The following UBE2D3 variants were observed in gnomAD, a reference collection of about 807,000 sequenced individuals.
UBE2D3 encodes the protein ubiquitin-conjugating enzyme E2 D3.
Under a neutral mutation model 22.8 loss-of-function variants are expected in UBE2D3, and 2 were observed. The observed-to-expected ratio is 0.09, with a 90% CI of 0.04 to 0.28. The LOEUF (loss-of-function observed/expected upper bound fraction) is 0.28, where lower values mean the gene tolerates loss of function less well. Ranked by LOEUF, UBE2D3 falls within the 10% of genes least tolerant of loss-of-function variation. The pLI is 1.00. For missense variants in UBE2D3, 27 were observed against 182.5 expected (o/e 0.15, Z 4.91); for synonymous variants, 56 against 60.4 (o/e 0.93, Z 0.34).
chr4:102,828,178 C>G (rs1254199267), upstream of UBE2D3: 2 of 985,298 alleles, frequency 2.0e-6, no homozygotes, highest in Admixed American at 1.2e-4. Context: ...ATGGAATTCC[C>G]CAGACTGGTA....
At chr4:102,816,952 G>A (rs574022220) in intron 2 of UBE2D3, among the ~76,000 whole-genome samples, 10 of 152,134 alleles carry the variant, frequency 6.6e-5, no homozygotes, top group South Asian at 4.1e-4. Context: ...CAACCTACAT[G>A]CTTAAAATAA....
At chr4:102,825,810 T>C (rs1311510028) in intron 2 of UBE2D3, 5 of 456,200 alleles carry the variant, frequency 1.1e-5, no homozygotes, top group Admixed American at 9.5e-5. Flanking sequence ...GCCTTTTACA[T>C]CAGTTCCCGG....
At chr4:102,865,294 C>T (rs1439066857) in intron 1 of UBE2D3, among the ~76,000 whole-genome samples, 1 of 151,964 alleles carries the variant, frequency 6.6e-6, no homozygotes, top group Non-Finnish European at 1.5e-5. Flanking sequence ...GAGTTCAAGA[C>T]CAGCCTGGCA....
intron 1 of UBE2D3, among the ~76,000 whole-genome samples, chr4:102,835,576 G>A (rs1239340893): frequency 1.3e-5 from 2 of 152,128 alleles, no homozygotes; most frequent in East Asian, 3.8e-4. Context: ...CCAGAGATAT[G>A]TGCTTTTTGG....
At chr4:102,805,900 C>G (rs1726953355) in intron 4 of UBE2D3, among the ~76,000 whole-genome samples, 2 of 152,160 alleles carry the variant, frequency 1.3e-5, no homozygotes, top group Non-Finnish European at 2.9e-5. Context: ...AAACCAGGAT[C>G]TCATCATCAA....
chr4:102,807,372 C>G (rs1019387174), intron 4 of UBE2D3, among the ~76,000 whole-genome samples: 2 of 152,170 alleles, frequency 1.3e-5, no homozygotes, highest in Non-Finnish European at 2.9e-5. Flanking sequence ...CTATTTAAAG[C>G]TGGCATCTAA....
At chr4:102,856,577 A>C (rs898227147) in intron 1 of UBE2D3, among the ~76,000 whole-genome samples, 1 of 152,214 alleles carries the variant, frequency 6.6e-6, no homozygotes, top group African/African-American at 2.4e-5. Flanking sequence ...TAAAATATTT[A>C]AAATCATAAT....
intron 2 of UBE2D3, chr4:102,811,946 T>C (rs1197188082): frequency 4.6e-6 from 1 of 215,104 alleles, no homozygotes. Context: ...AATCTTCTTT[T>C]GGTCTACTAG....
At chr4:102,839,402 G>A (rs1332696913) in intron 1 of UBE2D3, among the ~76,000 whole-genome samples, 1 of 152,030 alleles carries the variant, frequency 6.6e-6, no homozygotes, top group Non-Finnish European at 1.5e-5. Flanking sequence ...CCACCAAAGA[G>A]CTAGGACTAC....
intron 1 of UBE2D3, 153 bp downstream of exon 1, chr4:102,827,272 GGA>G (rs1730712019): frequency 1.0e-6 from 1 of 955,146 alleles, no homozygotes; most frequent in Non-Finnish European, 1.2e-6. Flanking sequence ...TCCTCCAGCA[GGA>G]GAGGCCGCGG....
chr4:102,802,436 T>C, intron 5 of UBE2D3, 125 bp downstream of exon 5: 1 of 652,658 alleles, frequency 1.5e-6, no homozygotes, highest in Non-Finnish European at 2.4e-6. Flanking sequence ...AGAGTCAGCA[T>C]CTATACATGA....
At chr4:102,816,649 A>G (rs1728815647) in intron 2 of UBE2D3, among the ~76,000 whole-genome samples, 2 of 152,250 alleles carry the variant, frequency 1.3e-5, no homozygotes, top group South Asian at 4.1e-4. Context: ...AACACAATTT[A>G]GTTTTTGAGT....
At chr4:102,807,323 TTG>T (rs1280534279) in intron 4 of UBE2D3, among the ~76,000 whole-genome samples, 4 of 152,280 alleles carry the variant, frequency 2.6e-5, no homozygotes, top group Middle Eastern at 3.4e-3. Context: ...ACAAAATGAG[TTG>T]TTTCATTGGT....
intron 6 of UBE2D3, among the ~76,000 whole-genome samples, 155 bp from the exon 7 acceptor site, chr4:102,799,655 C>T (rs1031739319): frequency 6.6e-6 from 1 of 151,900 alleles, no homozygotes; most frequent in Admixed American, 6.6e-5. Context: ...TTTTGTTTCA[C>T]AGAAGACAAG....
chr4:102,859,850 T>C (rs1269510931), intron 1 of UBE2D3, among the ~76,000 whole-genome samples: 2 of 143,390 alleles, frequency 1.4e-5, no homozygotes, highest in African/African-American at 2.5e-5. Context: ...GAATTTGATT[T>C]GTTTTTTTTT....
chr4:102,847,628 T>A (rs1732104808), intron 1 of UBE2D3, among the ~76,000 whole-genome samples: 1 of 151,848 alleles, frequency 6.6e-6, no homozygotes, highest in Non-Finnish European at 1.5e-5. Context: ...TTTTTCTTTT[T>A]CTTATGTATT....
intron 1 of UBE2D3, among the ~76,000 whole-genome samples, chr4:102,833,554 T>C (rs1731227064): frequency 6.6e-6 from 1 of 152,220 alleles, no homozygotes; most frequent in Non-Finnish European, 1.5e-5. Context: ...TGTAGAGAAT[T>C]CAAAGAATTT....
chr4:102,816,972 A>T (rs926211009), intron 2 of UBE2D3, among the ~76,000 whole-genome samples: 5 of 152,234 alleles, frequency 3.3e-5, no homozygotes, highest in African/African-American at 1.2e-4. Context: ...AAGGGACTCA[A>T]ATGCTCTGAG....
chr4:102,838,153 C>T (rs181158539), intron 1 of UBE2D3, among the ~76,000 whole-genome samples: 5 of 152,190 alleles, frequency 3.3e-5, no homozygotes, highest in African/African-American at 9.6e-5. Flanking sequence ...AGACATAATG[C>T]TATTGCACAT....
Sources: gnomAD v4.1 joint callset for allele counts (sites outside exome capture counted in the v4.1 genomes callset) on GRCh38, gnomAD v4.1.1 for gene constraint, MANE v1.5 for transcripts, NCBI Gene and HGNC (gene_info 2026-07-23, HGNC 2026-07-21) for gene names.